Variants in PDK4 observed in about 807,000 individuals in gnomAD.
PDK4 encodes the protein pyruvate dehydrogenase kinase, isozyme 4.
In PDK4, 43 loss-of-function variants were observed where a neutral mutation model predicts 51.7. That is an observed-to-expected ratio of 0.83 (90% CI 0.65 to 1.07). The LOEUF (loss-of-function observed/expected upper bound fraction) is 1.07. Ranked by LOEUF, PDK4 falls within the 50% of genes least tolerant of loss-of-function variation. PDK4 has a pLI of 0.00. For missense variants in PDK4, 498 were observed against 503.5 expected (o/e 0.99, Z 0.10); for synonymous variants, 170 against 176.6 (o/e 0.96, Z 0.30).
In PDK4 at chr7:95,587,034, T is replaced by C. The variant is rs17704480; in HGVS notation, c.1071A>G (p.Gly357=). 0.01 allele frequency: 15,933 copies of C among 1,589,524 alleles called. 248 individuals carry two copies. Among genetic ancestry groups the C allele is most frequent in the Middle Eastern group, 0.071 (424 of 5,998 alleles). The stretch of plus-strand genomic sequence containing the variant: ...CCTTTAAGTAGATGATAGCATCTGT[T>C]CCATATCCTGATAAAGAGTAGAGAT... The part of the protein sequence containing the change: ...DLNLYSLSGY[G]TDAIIYLKAL... The change falls in exon 10 of 11, where the codon GGA becomes GGG. Residue 357 remains glycine (G), a synonymous_variant. Transcript: ENST00000005178.
At position 95,587,558 on chromosome 7, in the gene PDK4, A is replaced by G. The variant is rs747476823; in HGVS notation, c.871-30T>C. 6.4e-6 allele frequency: 9 copies of G among 1,412,024 alleles called. No homozygotes were observed. In the East Asian group the frequency reaches 2.0e-4, roughly 32 times the overall value. The allele number at this position is 1,412,024 out of a possible 1,614,324, so 87.5% of individuals were successfully genotyped here. A position where few individuals can be genotyped will look rare whatever the true frequency, so the allele number is the denominator to read the frequency against. On this transcript the variant is annotated intron_variant, in intron 8 of 10. Transcript: ENST00000005178. ...AACAAACAAACAAGTCATCAAAGCC[A>G]CACATTAAAAACAATGTGCATTTGT...
intron 6 of PDK4, among the ~76,000 whole-genome samples, chr7:95,590,932 TTTTG>T (rs1016005761): frequency 2.6e-5 from 4 of 152,078 alleles, no homozygotes; most frequent in African/African-American, 7.2e-5. Flanking sequence ...AGAATTGAAA[TTTTG>T]TTTGTTTGTT....
At chr7:95,589,386 A>G (rs1791524311) in intron 7 of PDK4, among the ~76,000 whole-genome samples, 1 of 152,080 alleles carries the variant, frequency 6.6e-6, no homozygotes, top group Admixed American at 6.5e-5. Context: ...AATAATAAGA[A>G]CTTCCTCTTG....
rs1469144707 is a variant in PDK4 at position 95,583,745 on chromosome 7, T to C, written c.*1896A>G. On this transcript the variant is annotated 3_prime_UTR_variant, in exon 11 of 11. Transcript: ENST00000005178. ...CTAACATTTCTTTTTTCTAGTGTTTTAGAGATAGTTCACAGTATTTGAGTT... is the reference window on the plus strand; with the variant it reads ...CTAACATTTCTTTTTTCTAGTGTTTCAGAGATAGTTCACAGTATTTGAGTT... 6.6e-6 allele frequency: 1 copy of C among 152,640 alleles called. No individual in the cohort carries two copies. The highest frequency in any genetic ancestry group is 6.5e-5 in the Admixed American group (1 of 15,282). The allele number at this position is 152,640 out of a possible 1,614,324, so 9.5% of individuals were successfully genotyped here.
chr7:95,583,929 A>T lies in PDK4; in HGVS notation c.*1712T>A, dbSNP rs1791446290. 6.6e-6 allele frequency: 1 copy of T among 152,348 alleles called. No homozygotes were observed. Among genetic ancestry groups the T allele is most frequent in the Non-Finnish European group, 1.5e-5 (1 of 68,024 alleles). 9.4% of individuals were successfully genotyped at this position (152,348 alleles called of 1,614,324 possible). A position where few individuals can be genotyped will look rare whatever the true frequency, so the allele number is the denominator to read the frequency against. On this transcript the variant is annotated 3_prime_UTR_variant, in exon 11 of 11. Transcript: ENST00000005178. The stretch of plus-strand genomic sequence containing the variant: ...ATGAGCTGGACTCCCACCATTAAGA[A>T]ATGTCACTGTCTAGGACTTCTGATG...
intron 6 of PDK4, 78 bp downstream of exon 6, chr7:95,591,910 T>C: frequency 1.3e-6 from 1 of 777,432 alleles, no homozygotes; most frequent in African/African-American, 1.8e-5. Context: ...AGAAGTTGCT[T>C]TATATTTACA....
At chr7:95,592,116 C>G (rs1335558657) in intron 5 of PDK4, 51 bp from the exon 6 acceptor site, 1 of 1,006,476 alleles carries the variant, frequency 9.9e-7, no homozygotes, top group African/African-American at 1.7e-5. Flanking sequence ...ATGCCAAGTA[C>G]AGTTCTCAAA....
rs1398973166 is a variant in PDK4 at position 95,584,686 on chromosome 7, G to A, written c.*955C>T. ...TATCTTTTAAGCCTAGAAAATGGAT[G>A]CCTTTGGATTACCTTCATTTCAGGG... On this transcript the variant is annotated 3_prime_UTR_variant, in exon 11 of 11. Coordinates refer to ENST00000005178, the MANE Select transcript of PDK4 (RefSeq NM_002612.4). The A allele has an allele frequency of 6.6e-6, 1 of 152,194 alleles. No homozygotes were observed. The highest frequency in any genetic ancestry group is 1.5e-5 in the Non-Finnish European group (1 of 68,008). The allele number at this position is 152,194 out of a possible 1,614,324, so 9.4% of individuals were successfully genotyped here. A position where few individuals can be genotyped will look rare whatever the true frequency, so the allele number is the denominator to read the frequency against.
At chr7:95,593,875 T>A (rs1270944969) in intron 2 of PDK4, 105 bp from the exon 3 acceptor site, 4 of 495,832 alleles carry the variant, frequency 8.1e-6, no homozygotes, top group African/African-American at 5.9e-5. Context: ...AAAGTAAGCA[T>A]TATGTTCAAA....
Position 95,585,469 on chromosome 7 carries a change from T to A in PDK4, c.*172A>T. On this transcript the variant is annotated 3_prime_UTR_variant, in exon 11 of 11. Transcript: ENST00000005178. ...TAACTCCTGTAGTCTTGCACTAAGTTCTCCTGGGTCACAGAAACAAGCTCC... is the reference window on the plus strand; with the variant it reads ...TAACTCCTGTAGTCTTGCACTAAGTACTCCTGGGTCACAGAAACAAGCTCC... The A allele has an allele frequency of 2.0e-6, 1 of 490,648 alleles. No individual in the cohort carries two copies. Among genetic ancestry groups the A allele is most frequent in the African/African-American group, 1.9e-5 (1 of 52,832 alleles). The allele number at this position is 490,648 out of a possible 1,614,324, so 30.4% of individuals were successfully genotyped here.
intron 6 of PDK4, among the ~76,000 whole-genome samples, chr7:95,590,115 TG>T (rs1230341762): frequency 6.6e-6 from 1 of 152,192 alleles, no homozygotes; most frequent in Non-Finnish European, 1.5e-5. Flanking sequence ...TGGGTAAGTG[TG>T]GAAGAACAGT....
intron 10 of PDK4, among the ~76,000 whole-genome samples, chr7:95,586,254 G>A (rs1477861633): frequency 6.8e-6 from 1 of 147,302 alleles, no homozygotes; most frequent in Non-Finnish European, 1.5e-5. Flanking sequence ...GAGTGCAGGG[G>A]CACGATCTCA....
Position 95,596,380 on chromosome 7 carries a change from G to A in PDK4, c.-87C>T. On this transcript the variant is annotated 5_prime_UTR_variant, in exon 1 of 11. Transcript: ENST00000005178. ...GCAGAGCCTGGTTCCGAGGGGGCGC[G>A]GCGCGTCCGGGCGAGGACTGCAGGT... is the stretch of plus-strand genomic sequence containing the variant. 1 of 1,403,204 alleles carries A rather than the reference G, an allele frequency of 7.1e-7. No individual in the cohort carries two copies. The highest frequency in any genetic ancestry group is 1.5e-5 in the African/African-American group (1 of 65,416). 86.9% of individuals were successfully genotyped at this position (1,403,204 alleles called of 1,614,324 possible).
At position 95,585,825 on chromosome 7, in the gene PDK4, C is replaced by CATGGCATA. The variant is rs748696959; in HGVS notation, c.1096-52_1096-45dup. On this transcript the variant is annotated intron_variant, in intron 10 of 10. Transcript: ENST00000005178. ...AAAACATGAGACCAAAGAAATTATG[C>CATGGCATA]ATGGCATAATTTGCACTTGAAGTTA... 3.9e-6 allele frequency: 6 copies of CATGGCATA among 1,547,874 alleles called. No homozygotes were observed. In the African/African-American group the frequency reaches 8.2e-5, roughly 21 times the overall value.
chr7:95,587,223 CCTAAATAAATAT>C (rs1562836525), intron 9 of PDK4, 100 bp from the exon 10 acceptor site: 1 of 757,540 alleles, frequency 1.3e-6, no homozygotes, highest in African/African-American at 1.8e-5. Context: ...TGTCCTAGAA[CCTAAATAAATAT>C]CTTCTACTTC....
chr7:95,590,112 G>A (rs977286483), intron 6 of PDK4, among the ~76,000 whole-genome samples: 1 of 152,140 alleles, frequency 6.6e-6, no homozygotes, highest in Non-Finnish European at 1.5e-5. Context: ...AGTTGGGTAA[G>A]TGTGGAAGAA....
chr7:95,594,210 T>C (rs1445775834), intron 2 of PDK4, among the ~76,000 whole-genome samples: 3 of 152,228 alleles, frequency 2.0e-5, no homozygotes, highest in Non-Finnish European at 2.9e-5. Flanking sequence ...ATAATACATG[T>C]ATTTCTTGAA....
chr7:95,591,256 AT>A (rs1791548851), intron 6 of PDK4, among the ~76,000 whole-genome samples: 1 of 152,194 alleles, frequency 6.6e-6, no homozygotes, highest in Non-Finnish European at 1.5e-5. Context: ...TTTTTGAAGT[AT>A]GTTCTGCTTC....
At chr7:95,585,811 C>T in intron 10 of PDK4, 30 bp from the exon 11 acceptor site, 2 of 1,568,708 alleles carry the variant, frequency 1.3e-6, no homozygotes, top group Non-Finnish European at 1.7e-6. Flanking sequence ...AAACATGAGA[C>T]CAAAGAAATT....
Sources: allele counts gnomAD v4.1 joint callset (sites outside exome capture counted in the v4.1 genomes callset), GRCh38; gene constraint gnomAD v4.1.1; transcripts MANE v1.5; gene names NCBI Gene and HGNC (gene_info 2026-07-23, HGNC 2026-07-21).